Variants in PTPRQ observed in about 807,000 individuals in gnomAD.
PTPRQ encodes the protein protein tyrosine phosphatase receptor type Q, also known as phosphatidylinositol phosphatase PTPRQ.
A neutral mutation model predicts 246.0 loss-of-function variants in PTPRQ; 199 were observed. The ratio of observed to expected loss-of-function variants is 0.81; its 90% CI spans 0.72 to 0.91. The LOEUF (loss-of-function observed/expected upper bound fraction) is 0.91, where lower values mean the gene tolerates loss of function less well. Among genes scored for constraint, PTPRQ ranks in the 40% least tolerant of loss-of-function variants. The pLI, the probability that PTPRQ is intolerant of heterozygous loss-of-function variation, is 0.00. For synonymous variants in PTPRQ, 869 were observed against 853.2 expected (o/e 1.02, Z -0.32); for missense variants, 2,624 against 2,528.4 (o/e 1.04, Z -0.81).
At chr12:80,477,821 C>A (rs577439282) in intron 8 of PTPRQ, among the ~76,000 whole-genome samples, 2 of 152,142 alleles carry the variant, frequency 1.3e-5, no homozygotes, top group African/African-American at 2.4e-5. Context: ...GCTTTTCTGA[C>A]GGGCTTAAAA....
At chr12:80,670,566 A>G in intron 42 of PTPRQ, 74 bp downstream of exon 42, 2 of 1,402,370 alleles carry the variant, frequency 1.4e-6, no homozygotes, top group Non-Finnish European at 1.9e-6. Context: ...GTTATTTTTT[A>G]TAAAATGTTC....
chr12:80,560,833 G>A (rs931427601), intron 25 of PTPRQ, among the ~76,000 whole-genome samples: 1 of 152,166 alleles, frequency 6.6e-6, no homozygotes, highest in Non-Finnish European at 1.5e-5. Flanking sequence ...AGAAAAATAT[G>A]TTGTGATAAC....
chr12:80,632,315 T>A, intron 34 of PTPRQ, 24 bp downstream of exon 34: 1 of 1,551,066 alleles, frequency 6.4e-7, no homozygotes, highest in Non-Finnish European at 8.7e-7. Context: ...GCGCTTACAT[T>A]CCAGGATGCT....
chr12:80,457,656 G>A lies in PTPRQ; in HGVS notation c.460+12G>A, dbSNP rs188271164. 8.0e-5 allele frequency: 32 copies of A among 399,986 alleles called. No homozygotes were observed. The East Asian group carries it at 1.0e-3, about 13-fold the overall frequency. The allele number at this position is 399,986 out of a possible 1,614,324, so 24.8% of individuals were successfully genotyped here. A position where few individuals can be genotyped will look rare whatever the true frequency, so the allele number is the denominator to read the frequency against. On this transcript the variant is annotated intron_variant, in intron 4 of 44. Transcript: ENST00000644991. ...AACTGCAGAAAGTGGTAATTTTCCT[G>A]TCATTTATTTTAAATTGACTTAGTC...
rs149730720 is a variant in PTPRQ at position 80,628,189 on chromosome 12, G to A, written c.5687-4003G>A. Among the ~76,000 whole-genome samples, 144 of 152,040 alleles carry A rather than the reference G, an allele frequency of 9.5e-4. 1 individual carries two copies. The highest frequency in any genetic ancestry group is 3.2e-3 in the African/African-American group (134 of 41,474). ...TGAAAATTCATAAATCAAACCGTTC[G>A]TATTTTAATGTATAAAAAAATGTAC... On this transcript the variant is annotated intron_variant, in intron 33 of 44. Coordinates refer to ENST00000644991, the MANE Select transcript of PTPRQ (RefSeq NM_001145026.2).
intron 17 of PTPRQ, among the ~76,000 whole-genome samples, 176 bp downstream of exon 17, chr12:80,510,619 C>A (rs977971257): frequency 5.3e-5 from 8 of 152,078 alleles, no homozygotes; most frequent in African/African-American, 1.7e-4. Flanking sequence ...GTGGTTCAAT[C>A]ATGGTCAAAT....
At chr12:80,599,425 G>T (rs1407351820) in intron 26 of PTPRQ, among the ~76,000 whole-genome samples, 1 of 151,840 alleles carries the variant, frequency 6.6e-6, no homozygotes. Flanking sequence ...GACAGTTTAT[G>T]GGGAGACAAA....
intron 3 of PTPRQ, among the ~76,000 whole-genome samples, chr12:80,451,117 G>T (rs1169544987): frequency 2.0e-5 from 3 of 152,222 alleles, no homozygotes; most frequent in African/African-American, 7.2e-5. Flanking sequence ...GAGGGTGTAT[G>T]TGTCGAGGAA....
chr12:80,449,751 C>A (rs902243803), intron 3 of PTPRQ, among the ~76,000 whole-genome samples: 1 of 152,110 alleles, frequency 6.6e-6, no homozygotes, highest in Admixed American at 6.5e-5. Context: ...GTTTTGGTAC[C>A]AGTACCATGC....
At chr12:80,536,084 G>A (rs1478006126) in intron 19 of PTPRQ, among the ~76,000 whole-genome samples, 1 of 152,174 alleles carries the variant, frequency 6.6e-6, no homozygotes, top group Non-Finnish European at 1.5e-5. Flanking sequence ...TCCAGCCTGG[G>A]CGAGAGAGCG....
At chr12:80,522,380 C>G (rs185791755) in intron 17 of PTPRQ, among the ~76,000 whole-genome samples, 4 of 152,084 alleles carry the variant, frequency 2.6e-5, no homozygotes, top group South Asian at 2.1e-4. Context: ...ATCGACCTGG[C>G]CAGAACTTCC....
intron 17 of PTPRQ, among the ~76,000 whole-genome samples, chr12:80,525,003 T>C (rs1355596438): frequency 6.6e-6 from 1 of 152,190 alleles, no homozygotes; most frequent in African/African-American, 2.4e-5. Context: ...AGTAAGCTTA[T>C]TGCATCAACT....
intron 38 of PTPRQ, among the ~76,000 whole-genome samples, chr12:80,656,298 C>T (rs992588278): frequency 6.6e-6 from 1 of 152,002 alleles, no homozygotes; most frequent in East Asian, 1.9e-4. Flanking sequence ...GTATTGAGTG[C>T]CTATTATAAG....
chr12:80,472,427 C>A (rs141163682), intron 8 of PTPRQ, among the ~76,000 whole-genome samples, 176 bp downstream of exon 8: 1 of 152,190 alleles, frequency 6.6e-6, no homozygotes, highest in African/African-American at 2.4e-5. Context: ...AAACTCATAG[C>A]ATGCTTCATA....
chr12:80,587,441 C>T (rs768157157), intron 25 of PTPRQ, among the ~76,000 whole-genome samples: 2 of 151,982 alleles, frequency 1.3e-5, no homozygotes, highest in South Asian at 2.1e-4. Context: ...ATTACTTGCC[C>T]AATAAACTGT....
At chr12:80,652,717 A>T (rs1411805923) in intron 37 of PTPRQ, 27 bp from the exon 38 acceptor site, 1 of 1,479,396 alleles carries the variant, frequency 6.8e-7, no homozygotes, top group Non-Finnish European at 8.9e-7. Flanking sequence ...TGATAAATGT[A>T]AACTTTGTAA....
At chr12:80,450,952 A>G (rs1479694624) in intron 3 of PTPRQ, among the ~76,000 whole-genome samples, 24 of 152,180 alleles carry the variant, frequency 1.6e-4, no homozygotes, top group Middle Eastern at 3.4e-3. Context: ...CAGAAGGAAT[A>G]GTACCAGTTC....
intron 4 of PTPRQ, among the ~76,000 whole-genome samples, chr12:80,458,434 A>T (rs921026348): frequency 1.3e-5 from 2 of 152,118 alleles, no homozygotes; most frequent in Non-Finnish European, 2.9e-5. Flanking sequence ...TATGTAATTT[A>T]TGTGGCTATT....
intron 30 of PTPRQ, among the ~76,000 whole-genome samples, chr12:80,618,886 GC>G (rs1898868334): frequency 6.6e-6 from 1 of 151,432 alleles, no homozygotes; most frequent in African/African-American, 2.4e-5. Flanking sequence ...AGTGTGTTGT[GC>G]ATGACTATTT....
Sources: allele counts gnomAD v4.1 joint callset (sites outside exome capture counted in the v4.1 genomes callset), GRCh38; gene constraint gnomAD v4.1.1; transcripts MANE v1.5; gene names NCBI Gene and HGNC (gene_info 2026-07-23, HGNC 2026-07-21).